TTC28: variants seen among roughly 807,000 people sequenced by gnomAD.
The protein encoded by TTC28 is tetratricopeptide repeat protein 28.
A neutral mutation model predicts 198.0 loss-of-function variants in TTC28; 61 were observed. The observed-to-expected ratio is 0.31, with a 90% confidence interval of 0.25 to 0.38. TTC28 has a LOEUF of 0.38. Ranked by LOEUF, TTC28 falls within the 10% of genes least tolerant of loss-of-function variation. The pLI, the probability that TTC28 is intolerant of heterozygous loss-of-function variation, is 1.00. For missense variants in TTC28, 2,678 were observed against 3,164.0 expected (o/e 0.85, Z 3.69); for synonymous variants, 1,171 against 1,297.8 (o/e 0.90, Z 2.10).
intron 2 of TTC28, among the ~76,000 whole-genome samples, chr22:28,354,286 C>T (rs2046042227): frequency 6.6e-6 from 1 of 152,112 alleles, no homozygotes; most frequent in Non-Finnish European, 1.5e-5. Flanking sequence ...AAGTATCCAT[C>T]ATCAAATACA....
At chr22:28,317,810 A>G (rs1363867678) in intron 2 of TTC28, among the ~76,000 whole-genome samples, 1 of 152,180 alleles carries the variant, frequency 6.6e-6, no homozygotes, top group Non-Finnish European at 1.5e-5. Flanking sequence ...GAGAGGAAAA[A>G]AGTATTGTAA....
chr22:28,463,498 G>T (rs944257668), intron 2 of TTC28, among the ~76,000 whole-genome samples: 1 of 152,128 alleles, frequency 6.6e-6, no homozygotes, highest in African/African-American at 2.4e-5. Context: ...CAATAGCAAA[G>T]ACTTGGAACC....
intron 5 of TTC28, among the ~76,000 whole-genome samples, chr22:28,289,295 G>C (rs945853487): frequency 6.6e-6 from 1 of 152,210 alleles, no homozygotes; most frequent in Middle Eastern, 3.4e-3. Context: ...AAATCAGACT[G>C]ATAAAAAATA....
At position 27,982,844 on chromosome 22, in the gene TTC28, C is replaced by T. The variant is rs1431610934; in HGVS notation, c.6823G>A (p.Asp2275Asn). The T allele has an allele frequency of 1.0e-5, 16 of 1,541,244 alleles. No homozygotes were observed. Among genetic ancestry groups the T allele is most frequent in the African/African-American group, 4.1e-5 (3 of 72,782 alleles). Residue 2275 changes from aspartate (D) to asparagine (N), a missense_variant, in exon 23 of 23, where the codon GAC becomes AAC. Asp to Asn is a conservative substitution (Grantham distance 23). Around this residue, in one of 8 missense-constraint regions of TTC28, gnomAD observed 622 missense variants for 656.0 expected, o/e 0.95. Coordinates refer to ENST00000397906, the MANE Select transcript of TTC28 (RefSeq NM_001145418.2). This position sits in a 1 kb window ranked among gnomAD's most constrained non-coding sequence, Gnocchi z 5.2. ...TGGTCCAGCTGGGAAGTCTGTGAGTCGCAGCCGGGCGATGGCCGGCCACTG... is the reference window on the plus strand; with the variant it reads ...TGGTCCAGCTGGGAAGTCTGTGAGTTGCAGCCGGGCGATGGCCGGCCACTG... ...QHSGRPSPGC[D>N]SQTSQLDQPL...
At chr22:28,299,543 G>A (rs572886837) in intron 3 of TTC28, among the ~76,000 whole-genome samples, 1 of 152,250 alleles carries the variant, frequency 6.6e-6, no homozygotes, top group South Asian at 2.1e-4. Context: ...GTTAAGTACA[G>A]GCACAAGAAC....
At chr22:28,614,805 A>G (rs184915124) in intron 2 of TTC28, among the ~76,000 whole-genome samples, 3 of 152,332 alleles carry the variant, frequency 2.0e-5, no homozygotes, top group African/African-American at 7.2e-5. Context: ...AAGATGGATT[A>G]AAGACTTAAA....
In TTC28 at chr22:28,434,450, G is replaced by A. The variant is rs5762621; in HGVS notation, c.382-127807C>T. Among the ~76,000 whole-genome samples, 238 of 152,278 alleles carry A rather than the reference G, an allele frequency of 1.6e-3. 4 individuals are homozygous for A. The East Asian group carries it at 0.021, about 13-fold the overall frequency. ...TGTAATCCCAGCACTTTGGAAGGCT[G>A]AGACAGGCGGATCATTTGAGGTCAA... On this transcript the variant is annotated intron_variant, in intron 2 of 22. Transcript: ENST00000397906.
rs138717523 is a variant in TTC28 at position 28,447,120 on chromosome 22, G to A, written c.382-140477C>T. Among the ~76,000 whole-genome samples, 318 of 152,226 alleles carry A rather than the reference G, an allele frequency of 2.1e-3. 2 individuals carry two copies. Among genetic ancestry groups the A allele is most frequent in the African/African-American group, 7.2e-3 (299 of 41,528 alleles). Reference sequence around the variant, plus strand: ...AACCACTGTCTGGGTGATGGGGCTAGGAACCTACAATTGCTTTAAGAGTTA... The same window carrying A: ...AACCACTGTCTGGGTGATGGGGCTAAGAACCTACAATTGCTTTAAGAGTTA... On this transcript the variant is annotated intron_variant, in intron 2 of 22. Transcript: ENST00000397906.
chr22:28,573,530 T>C (rs2050095889), intron 2 of TTC28, among the ~76,000 whole-genome samples: 1 of 151,938 alleles, frequency 6.6e-6, no homozygotes, highest in Non-Finnish European at 1.5e-5. Flanking sequence ...GAAATTAATG[T>C]GAGACTTGTG....
chr22:28,391,924 T>G (rs1298353080), intron 2 of TTC28, among the ~76,000 whole-genome samples: 4 of 152,256 alleles, frequency 2.6e-5, no homozygotes, highest in African/African-American at 9.6e-5. Flanking sequence ...CGCTCTGCTT[T>G]TTAGAGTTTT....
intron 12 of TTC28, among the ~76,000 whole-genome samples, chr22:28,071,747 G>GAAAAAAAAAAAAAAAAAAAA (rs1940981234): frequency 8.9e-6 from 1 of 112,436 alleles, no homozygotes; most frequent in Non-Finnish European, 1.8e-5. Flanking sequence ...AAAAAAAAAA[G>GAAAAAAAAAAAAAAAAAAAA]GAAAAAAAAA....
intron 2 of TTC28, among the ~76,000 whole-genome samples, chr22:28,496,282 T>G (rs1055797160): frequency 1.3e-5 from 2 of 152,098 alleles, no homozygotes; most frequent in Non-Finnish European, 2.9e-5. Flanking sequence ...CTCCCTGAAC[T>G]CCAGATTGCT....
chr22:28,438,781 G>A (rs695629), intron 2 of TTC28, among the ~76,000 whole-genome samples: 72,459 of 152,064 alleles, frequency 0.48, 17,689 homozygotes, highest in South Asian at 0.53. Flanking sequence ...GATGCATGAT[G>A]TAGTCTCTTG....
chr22:28,443,882 A>C (rs2047662184), intron 2 of TTC28, among the ~76,000 whole-genome samples: 1 of 152,184 alleles, frequency 6.6e-6, no homozygotes, highest in East Asian at 1.9e-4. Flanking sequence ...TTATATCTAG[A>C]GAAAAAAAAG....
intron 2 of TTC28, among the ~76,000 whole-genome samples, chr22:28,510,367 C>T (rs1374666718): frequency 6.6e-6 from 1 of 152,158 alleles, no homozygotes; most frequent in Non-Finnish European, 1.5e-5. Flanking sequence ...GTTCAACATA[C>T]ACAAATCAAT....
At chr22:28,287,546 G>A (rs1039260600) in intron 5 of TTC28, among the ~76,000 whole-genome samples, 1 of 152,122 alleles carries the variant, frequency 6.6e-6, no homozygotes, top group African/African-American at 2.4e-5. Flanking sequence ...GGAAAATGTT[G>A]CTAAGGAGTC....
At chr22:28,119,549 G>A (rs191467964) in intron 6 of TTC28, among the ~76,000 whole-genome samples, 2 of 152,360 alleles carry the variant, frequency 1.3e-5, no homozygotes, top group Admixed American at 1.3e-4. Flanking sequence ...GAGTGTGTAG[G>A]TAGGGGAGGA....
intron 5 of TTC28, among the ~76,000 whole-genome samples, chr22:28,223,140 G>A (rs1177365257): frequency 6.6e-6 from 1 of 152,156 alleles, no homozygotes; most frequent in Non-Finnish European, 1.5e-5. Context: ...ATGGAGAGGG[G>A]CGGCCAGAGC....
At chr22:28,150,462 T>C (rs1015342831) in intron 6 of TTC28, among the ~76,000 whole-genome samples, 2 of 152,216 alleles carry the variant, frequency 1.3e-5, no homozygotes, top group Non-Finnish European at 1.5e-5. Flanking sequence ...TGCTGTTATT[T>C]TGATTTTCTC....
Sources: allele counts gnomAD v4.1 joint callset (sites outside exome capture counted in the v4.1 genomes callset), GRCh38; gene constraint gnomAD v4.1.1; regional missense constraint gnomAD v4.1.1; non-coding constraint Gnocchi (gnomAD v3.1); transcripts MANE v1.5; gene names NCBI Gene and HGNC (gene_info 2026-07-23, HGNC 2026-07-21).